BIRC3: variants seen among roughly 807,000 people sequenced by gnomAD.
The protein encoded by BIRC3 is baculoviral IAP repeat containing 3, also known as baculoviral IAP repeat-containing protein 3.
Under a neutral mutation model 59.0 loss-of-function variants are expected in BIRC3, and 26 were observed. The observed-to-expected ratio is 0.44, with a 90% CI of 0.32 to 0.61. The LOEUF is 0.61. Ranked by LOEUF, BIRC3 falls within the 20% of genes least tolerant of loss-of-function variation. The pLI is 0.04. For missense variants in BIRC3, 641 were observed against 711.5 expected (o/e 0.90, Z 1.13); for synonymous variants, 243 against 249.2 (o/e 0.98, Z 0.24).
intron 1 of BIRC3, among the ~76,000 whole-genome samples, 161 bp downstream of exon 1, chr11:102,317,732 G>A (rs1950984683): frequency 6.6e-6 from 1 of 152,314 alleles, no homozygotes; most frequent in Non-Finnish European, 1.5e-5. Flanking sequence ...AGAGTCAGTG[G>A]GTGGGGCGCA....
rs1404994030 is a variant in BIRC3, at chr11:102,338,541, T to C, written c.*1439T>C. ...AATGGACAGCCCTGAAGAATAGTGA[T>C]TGGAAAAAAAGGATATGATCTAATG... On this transcript the variant is annotated 3_prime_UTR_variant, in exon 9 of 9. Transcript: ENST00000263464. The C allele has an allele frequency of 4.4e-6, 1 of 229,116 alleles. No homozygotes were observed. Among genetic ancestry groups the C allele is most frequent in the Non-Finnish European group, 8.6e-6 (1 of 115,634 alleles). The allele number at this position is 229,116 out of a possible 1,614,324, so 14.2% of individuals were successfully genotyped here.
At chr11:102,318,167 G>A (rs2135779479) in intron 1 of BIRC3, among the ~76,000 whole-genome samples, 1 of 152,260 alleles carries the variant, frequency 6.6e-6, no homozygotes, top group Non-Finnish European at 1.5e-5. Flanking sequence ...CCTGCTATGT[G>A]CTAGGTTTGT....
In BIRC3 at chr11:102,336,166, G is replaced by C. The variant is rs767629005; in HGVS notation, c.1525G>C (p.Val509Leu). 1 of 1,613,806 alleles carries C rather than the reference G, an allele frequency of 6.2e-7. No individual in the cohort carries two copies. The highest frequency in any genetic ancestry group is 8.5e-7 in the Non-Finnish European group (1 of 1,179,866). ...ILVKGNIAAT[V>L]FRNSLQEAEA... is the part of the protein sequence containing the mutation. ...AGTAAAAGGAAATATTGCAGCCACT[G>C]TATTCAGAAACTCTCTGCAAGAAGC... Residue 509 changes from valine (V) to leucine (L), a missense_variant, in exon 7 of 9, where the codon GTA becomes CTA. Physicochemically the swap from Val to Leu is conservative, Grantham distance 32. Transcript: ENST00000263464.
Position 102,339,354 on chromosome 11 carries a change from T to C in BIRC3, c.*2252T>C, listed in dbSNP as rs749186411. The stretch of plus-strand genomic sequence containing the variant: ...TATTCAAATATGTTATTTCCCTAAG[T>C]GTTATTTTGACATTTTGTTTTGGAA... On this transcript the variant is annotated 3_prime_UTR_variant, in exon 9 of 9. Transcript: ENST00000263464. The C allele has an allele frequency of 1.7e-5, 3 of 178,648 alleles. No individual in the cohort carries two copies. The highest frequency in any genetic ancestry group is 3.6e-5 in the Non-Finnish European group (3 of 83,334). 11.1% of individuals were successfully genotyped at this position (178,648 alleles called of 1,614,324 possible).
intron 6 of BIRC3, among the ~76,000 whole-genome samples, chr11:102,333,082 G>C (rs1429641491): frequency 2.0e-5 from 3 of 152,110 alleles, no homozygotes; most frequent in Non-Finnish European, 2.9e-5. Context: ...TTGTGAAAAA[G>C]AGCCCTTAGC....
chr11:102,328,143 C>A lies in BIRC3; in HGVS notation c.1032+13C>A, dbSNP rs1489322806. 1 of 1,599,726 alleles carries A rather than the reference C, an allele frequency of 6.3e-7. No individual in the cohort carries two copies. Among genetic ancestry groups the A allele is most frequent in the Admixed American group, 1.7e-5 (1 of 57,742 alleles). ...TCTACTTGAACAGGTAGGGCAAGTT[C>A]TTTTTTTAAATATTGGTTGCCATCA... On this transcript the variant is annotated intron_variant, in intron 4 of 8. Transcript: ENST00000263464.
In BIRC3 at chr11:102,339,084, C is replaced by G. The variant is rs1951229505; in HGVS notation, c.*1982C>G. ...ATTTTGCCTCTGCTAAGAGGCTCTGCTGGCTACCCATGTACTAGCCAGTGT... is the reference window on the plus strand; with the variant it reads ...ATTTTGCCTCTGCTAAGAGGCTCTGGTGGCTACCCATGTACTAGCCAGTGT... On this transcript the variant is annotated 3_prime_UTR_variant, in exon 9 of 9. Transcript: ENST00000263464. The G allele has an allele frequency of 4.8e-6, 1 of 209,160 alleles. No individual in the cohort carries two copies. The allele number at this position is 209,160 out of a possible 1,614,324, so 13.0% of individuals were successfully genotyped here.
chr11:102,330,832 T>C (rs1342406894), intron 5 of BIRC3, among the ~76,000 whole-genome samples, 167 bp from the exon 6 acceptor site: 1 of 152,224 alleles, frequency 6.6e-6, no homozygotes, highest in Admixed American at 6.5e-5. Flanking sequence ...TGAACGTGTA[T>C]ATCATTTTAA....
Position 102,338,544 on chromosome 11 carries a change from GA to G in BIRC3, c.*1449del. 3 of 229,230 alleles carry G rather than the reference GA, an allele frequency of 1.3e-5. No individual in the cohort carries two copies. Among genetic ancestry groups the G allele is most frequent in the Non-Finnish European group, 2.6e-5 (3 of 115,604 alleles). The allele number at this position is 229,230 out of a possible 1,614,324, so 14.2% of individuals were successfully genotyped here. A position where few individuals can be genotyped will look rare whatever the true frequency, so the allele number is the denominator to read the frequency against. Reference sequence around the variant, plus strand: ...GGACAGCCCTGAAGAATAGTGATTGGAAAAAAAGGATATGATCTAATGGGAA... The same window carrying G: ...GGACAGCCCTGAAGAATAGTGATTGGAAAAAAGGATATGATCTAATGGGAA... On this transcript the variant is annotated 3_prime_UTR_variant, in exon 9 of 9. Coordinates refer to ENST00000263464, the MANE Select transcript of BIRC3 (RefSeq NM_001165.5).
rs1381204334 is a variant in BIRC3, at chr11:102,325,357, A to C, written c.848A>C (p.Tyr283Ser). Residue 283 changes from tyrosine (Y) to serine (S), a missense_variant, in exon 2 of 9, where the codon TAT becomes TCT. By Grantham distance (144) the Tyr-to-Ser change is moderately radical (BLOSUM62 -2). Around this residue, in one of 4 missense-constraint regions of BIRC3, gnomAD observed 329 missense variants for 365.6 expected, o/e 0.90. Transcript: ENST00000263464. ...CAGCTTGCAAGTGCGGGTTTTTATT[A>C]TGTGGGTAAGAAACTGAATCTGCTA... is the stretch of plus-strand genomic sequence containing the variant. ...PEQLASAGFY[Y>S]VGNSDDVKCF... 1 of 1,594,258 alleles carries C rather than the reference A, an allele frequency of 6.3e-7. No homozygotes were observed. The highest frequency in any genetic ancestry group is 8.5e-7 in the Non-Finnish European group (1 of 1,171,800).
chr11:102,325,589 G>A (rs1292347519), intron 3 of BIRC3, 24 bp downstream of exon 3: 2 of 1,601,224 alleles, frequency 1.2e-6, no homozygotes, highest in Non-Finnish European at 1.7e-6. Context: ...AATTCTCTTT[G>A]CAAATTCTTG....
chr11:102,328,991 G>T, intron 5 of BIRC3, 46 bp downstream of exon 5: 1 of 1,093,998 alleles, frequency 9.1e-7, no homozygotes. Flanking sequence ...AGAGTCATTT[G>T]GTACTGTTAA....
At chr11:102,335,590 A>T (rs11225213) in intron 6 of BIRC3, among the ~76,000 whole-genome samples, 1,889 of 152,302 alleles carry the variant, frequency 0.012, 33 homozygotes, top group African/African-American at 0.043. Context: ...ATACATGTAA[A>T]GTTCTTAACA....
chr11:102,318,081 C>T (rs1950990499), intron 1 of BIRC3, among the ~76,000 whole-genome samples: 1 of 152,156 alleles, frequency 6.6e-6, no homozygotes, highest in Admixed American at 6.5e-5. Flanking sequence ...AAGGCATGTA[C>T]CTGATGCTAA....
chr11:102,336,426 T>C, intron 7 of BIRC3: 3 of 602,660 alleles, frequency 5.0e-6, no homozygotes, highest in Non-Finnish European at 8.3e-6. Flanking sequence ...ACCCCATCAC[T>C]ACAAAAAATT....
Position 102,337,253 on chromosome 11 carries a change from A to C in BIRC3, c.*151A>C. The C allele has an allele frequency of 8.1e-6, 4 of 494,092 alleles. No individual in the cohort carries two copies. Among genetic ancestry groups the C allele is most frequent in the South Asian group, 7.9e-5 (1 of 12,716 alleles). 30.6% of individuals were successfully genotyped at this position (494,092 alleles called of 1,614,324 possible). ...TGTAACATATTTATATATGTATCTA[A>C]ACCATATGAACATATATTTTTTAGA... On this transcript the variant is annotated 3_prime_UTR_variant, in exon 9 of 9. Transcript: ENST00000263464.
chr11:102,339,006 A>C lies in BIRC3; in HGVS notation c.*1904A>C, dbSNP rs13711. On this transcript the variant is annotated 3_prime_UTR_variant, in exon 9 of 9. Coordinates refer to ENST00000263464, the MANE Select transcript of BIRC3 (RefSeq NM_001165.5). ...TAGGGACCAAGTGAGGGGAGGAAAGAATCCATCTCTGCATTCTGATGCTGG... is the reference window on the plus strand; with the variant it reads ...TAGGGACCAAGTGAGGGGAGGAAAGCATCCATCTCTGCATTCTGATGCTGG... 0.66 allele frequency: 142,175 copies of C among 214,630 alleles called. 47,492 individuals carry two copies. The highest frequency in any genetic ancestry group is 0.75 in the African/African-American group (33,210 of 44,282). 13.3% of individuals were successfully genotyped at this position (214,630 alleles called of 1,614,324 possible).
intron 3 of BIRC3, 56 bp downstream of exon 3, chr11:102,325,621 T>C (rs1437422629): frequency 3.3e-6 from 5 of 1,508,018 alleles, no homozygotes; most frequent in Non-Finnish European, 4.6e-6. Flanking sequence ...AGATTGCTTA[T>C]ATGTGTTCAC....
At chr11:102,335,248 G>T (rs1951183721) in intron 6 of BIRC3, among the ~76,000 whole-genome samples, 1 of 152,062 alleles carries the variant, frequency 6.6e-6, no homozygotes, top group African/African-American at 2.4e-5. Flanking sequence ...TTTTAAAAAT[G>T]AATAAATAAA....
Sources: gnomAD v4.1 joint callset for allele counts (sites outside exome capture counted in the v4.1 genomes callset) on GRCh38, gnomAD v4.1.1 for gene constraint, gnomAD v4.1.1 regional missense constraint, MANE v1.5 for transcripts, NCBI Gene and HGNC (gene_info 2026-07-23, HGNC 2026-07-21) for gene names.